The following CSMD3 variants were observed in gnomAD, a reference collection of about 807,000 sequenced individuals.
CSMD3 encodes CUB and sushi domain-containing protein 3.
Under a neutral mutation model 435.2 loss-of-function variants are expected in CSMD3, and 177 were observed. That is an observed-to-expected ratio of 0.41 (90% CI 0.36 to 0.46). CSMD3 has a LOEUF of 0.46. Among genes scored for constraint, CSMD3 ranks in the 20% least tolerant of loss-of-function variants. The pLI, the probability that CSMD3 is intolerant of heterozygous loss-of-function variation, is 0.34. For synonymous variants in CSMD3, 1,656 were observed against 1,520.5 expected (o/e 1.09, Z -2.07); for missense variants, 4,265 against 4,504.6 (o/e 0.95, Z 1.52).
chr8:112,426,659 A>T (rs1171593764), intron 32 of CSMD3, among the ~76,000 whole-genome samples: 4 of 152,204 alleles, frequency 2.6e-5, no homozygotes, highest in Non-Finnish European at 5.9e-5. Flanking sequence ...TATCTGATTA[A>T]GGTTTGCTCA....
At chr8:113,183,114 C>T (rs1235278038) in intron 3 of CSMD3, among the ~76,000 whole-genome samples, 1 of 152,020 alleles carries the variant, frequency 6.6e-6, no homozygotes, top group African/African-American at 2.4e-5. Flanking sequence ...AGGAGGTGCT[C>T]CTTTCTCCTG....
intron 3 of CSMD3, among the ~76,000 whole-genome samples, chr8:113,232,549 A>AT (rs2093100426): frequency 6.6e-6 from 1 of 151,744 alleles, no homozygotes; most frequent in South Asian, 2.1e-4. Context: ...TTCTATTTTG[A>AT]ATAGCAAGTG....
chr8:112,494,410 CT>C (rs1325137333), intron 30 of CSMD3, among the ~76,000 whole-genome samples: 7 of 149,754 alleles, frequency 4.7e-5, no homozygotes, highest in African/African-American at 1.7e-4. Context: ...CTTTTCTTTT[CT>C]TTTCTTTCTT....
rs2086110301 is a variant in CSMD3, at chr8:113,007,753, A to C, written c.1030+11314T>G. 2.6e-5 allele frequency among the ~76,000 whole-genome samples: 4 copies of C among 151,988 alleles called. No homozygotes were observed. In the South Asian group the frequency reaches 8.3e-4, roughly 32 times the overall value. ...TTATTTGAATTTGTCAGTATACCTA[A>C]CTGGAAAAACTAGAAGATACCTAAG... On this transcript the variant is annotated intron_variant, in intron 6 of 70. Transcript: ENST00000297405.
intron 1 of CSMD3, among the ~76,000 whole-genome samples, chr8:113,338,118 C>T (rs1258810436): frequency 1.3e-5 from 2 of 151,584 alleles, no homozygotes; most frequent in East Asian, 3.9e-4. Context: ...AATAAACAAG[C>T]CAAGCATTTT....
chr8:113,117,987 C>G (rs2090885996), intron 4 of CSMD3, among the ~76,000 whole-genome samples: 1 of 152,136 alleles, frequency 6.6e-6, no homozygotes, highest in Non-Finnish European at 1.5e-5. Context: ...TTGGTTGTCA[C>G]AGATTAGACC....
At chr8:112,509,903 A>C (rs142690077) in intron 28 of CSMD3, among the ~76,000 whole-genome samples, 3 of 152,122 alleles carry the variant, frequency 2.0e-5, no homozygotes, top group Non-Finnish European at 4.4e-5. Flanking sequence ...TTTACTGAAT[A>C]TCTCTCTCTG....
At chr8:113,392,273 A>G (rs2094464176) in intron 1 of CSMD3, among the ~76,000 whole-genome samples, 3 of 152,090 alleles carry the variant, frequency 2.0e-5, no homozygotes, top group Admixed American at 1.3e-4. Flanking sequence ...AAATCAATAA[A>G]GTGTGCTGAT....
intron 15 of CSMD3, among the ~76,000 whole-genome samples, chr8:112,684,102 C>T (rs564097466): frequency 6.6e-6 from 1 of 151,654 alleles, no homozygotes; most frequent in African/African-American, 2.4e-5. Flanking sequence ...AGACCTATTT[C>T]CATAATACCC....
chr8:112,363,336 A>G (rs188397497), intron 38 of CSMD3, among the ~76,000 whole-genome samples: 10 of 152,154 alleles, frequency 6.6e-5, no homozygotes, highest in African/African-American at 1.7e-4. Flanking sequence ...TGTATTTTAG[A>G]TAAAAAGTAT....
chr8:112,823,356 G>A (rs1013677252), intron 12 of CSMD3, among the ~76,000 whole-genome samples: 6 of 152,046 alleles, frequency 3.9e-5, no homozygotes, highest in African/African-American at 1.4e-4. Flanking sequence ...TACTGGTTTA[G>A]TCTTGGGAGG....
intron 59 of CSMD3, among the ~76,000 whole-genome samples, chr8:112,266,539 A>G (rs1816965852): frequency 6.6e-6 from 1 of 152,216 alleles, no homozygotes; most frequent in Non-Finnish European, 1.5e-5. Context: ...AAGAATTTTG[A>G]GATGGCTATC....
At chr8:113,149,541 C>T (rs139384622) in intron 4 of CSMD3, among the ~76,000 whole-genome samples, 2 of 151,932 alleles carry the variant, frequency 1.3e-5, no homozygotes, top group African/African-American at 2.4e-5. Context: ...CCCCACATTT[C>T]CAAAGCTTTG....
chr8:112,932,741 T>C (rs1378395286), intron 9 of CSMD3, among the ~76,000 whole-genome samples: 1 of 152,024 alleles, frequency 6.6e-6, no homozygotes, highest in African/African-American at 2.4e-5. Context: ...TACAGTTAGA[T>C]AGAAGGAATA....
At chr8:112,508,569 A>T (rs531907583) in intron 28 of CSMD3, among the ~76,000 whole-genome samples, 2 of 152,138 alleles carry the variant, frequency 1.3e-5, no homozygotes, top group Admixed American at 6.5e-5. Context: ...AGAGCACAAC[A>T]TTCTCTCATC....
At chr8:113,320,587 C>A (rs1044428143) in intron 1 of CSMD3, among the ~76,000 whole-genome samples, 4 of 152,056 alleles carry the variant, frequency 2.6e-5, no homozygotes, top group Non-Finnish European at 2.9e-5. Context: ...ATGACTCTTG[C>A]AAAAATTACT....
intron 5 of CSMD3, among the ~76,000 whole-genome samples, chr8:113,082,939 A>C (rs1479176139): frequency 6.6e-6 from 1 of 152,178 alleles, no homozygotes; most frequent in Non-Finnish European, 1.5e-5. Flanking sequence ...AGCCTACATG[A>C]TATATGAGAC....
chr8:112,497,388 G>A (rs1487047392), intron 30 of CSMD3, among the ~76,000 whole-genome samples: 1 of 151,592 alleles, frequency 6.6e-6, no homozygotes, highest in Non-Finnish European at 1.5e-5. Context: ...ATAAATAAAT[G>A]ATAAATGCTT....
At chr8:113,035,635 A>G (rs1383621255) in intron 5 of CSMD3, among the ~76,000 whole-genome samples, 1 of 152,052 alleles carries the variant, frequency 6.6e-6, no homozygotes, top group Admixed American at 6.6e-5. Flanking sequence ...TTTACTGTAA[A>G]TAAAATATAC....
Sources: gnomAD v4.1 joint callset for allele counts (sites outside exome capture counted in the v4.1 genomes callset) on GRCh38, gnomAD v4.1.1 for gene constraint, MANE v1.5 for transcripts, NCBI Gene and HGNC (gene_info 2026-07-23, HGNC 2026-07-21) for gene names.